MBD5: variants seen among roughly 807,000 people sequenced by gnomAD.
MBD5 encodes methyl-CpG binding domain protein 5.
In MBD5, 13 loss-of-function variants were observed where a neutral mutation model predicts 117.3. The ratio of observed to expected loss-of-function variants is 0.11; its 90% CI spans 0.07 to 0.18. MBD5 has a LOEUF of 0.18. Among genes scored for constraint, MBD5 ranks in the 10% least tolerant of loss-of-function variants. MBD5 has a pLI of 1.00. For synonymous variants in MBD5, 727 were observed against 766.4 expected, an observed-to-expected ratio of 0.95 and a Z score of 0.85; for missense variants, 1,879 against 2,093.8, an observed-to-expected ratio of 0.90 and a Z score of 2.00.
chr2:148,476,075 G>C (rs903451587), intron 8 of MBD5, among the ~76,000 whole-genome samples: 3 of 152,178 alleles, frequency 2.0e-5, no homozygotes, highest in Non-Finnish European at 2.9e-5. Context: ...GTTGGAGTTA[G>C]TCCAGGGAAG....
chr2:148,147,336 A>T (rs986231851), intron 1 of MBD5, among the ~76,000 whole-genome samples: 2 of 151,548 alleles, frequency 1.3e-5, no homozygotes, highest in Non-Finnish European at 2.9e-5. Context: ...TCTGCCTCCT[A>T]GATTCAAGCG....
chr2:148,098,761 C>A (rs569369788), intron 1 of MBD5, among the ~76,000 whole-genome samples: 1 of 152,066 alleles, frequency 6.6e-6, no homozygotes, highest in Middle Eastern at 3.4e-3. Context: ...AGGAAGAAGA[C>A]GAAGAGAGGC....
intron 3 of MBD5, among the ~76,000 whole-genome samples, chr2:148,235,935 A>G (rs1326144393): frequency 6.6e-6 from 1 of 152,016 alleles, no homozygotes; most frequent in African/African-American, 2.4e-5. Flanking sequence ...AATAGCTGGG[A>G]ATACAGGCAT....
At chr2:148,465,296 C>T (rs1200890493) in intron 7 of MBD5, among the ~76,000 whole-genome samples, 1 of 152,058 alleles carries the variant, frequency 6.6e-6, no homozygotes, top group African/African-American at 2.4e-5. Flanking sequence ...ATTTGATTTT[C>T]CCATTATTGA....
At chr2:148,046,543 A>G (rs538789968) in intron 1 of MBD5, among the ~76,000 whole-genome samples, 61 of 152,140 alleles carry the variant, frequency 4.0e-4, no homozygotes, top group Middle Eastern at 3.4e-3. Flanking sequence ...GTCTACCCCA[A>G]TTCCCCAAGT....
intron 9 of MBD5, 41 bp downstream of exon 9, chr2:148,484,176 T>G (rs1298725508): frequency 7.2e-7 from 1 of 1,388,136 alleles, no homozygotes; most frequent in African/African-American, 1.5e-5. Context: ...AAAAGAAACG[T>G]TTTTCTAATT....
intron 3 of MBD5, among the ~76,000 whole-genome samples, chr2:148,242,072 A>C (rs1700226457): frequency 6.6e-6 from 1 of 152,128 alleles, no homozygotes; most frequent in Non-Finnish European, 1.5e-5. Flanking sequence ...GTGTTACTCC[A>C]AATTTCTGAT....
At chr2:148,287,455 A>G (rs1701391490) in intron 3 of MBD5, among the ~76,000 whole-genome samples, 1 of 152,180 alleles carries the variant, frequency 6.6e-6, no homozygotes, top group Admixed American at 6.5e-5. Flanking sequence ...CGGATGTATC[A>G]GTCAGTTTTT....
chr2:148,367,650 A>G (rs1703740006), intron 4 of MBD5, among the ~76,000 whole-genome samples: 1 of 152,226 alleles, frequency 6.6e-6, no homozygotes, highest in African/African-American at 2.4e-5. Context: ...AAACAACCCC[A>G]TCAAAAAATG....
At chr2:148,393,792 G>A (rs952713051) in intron 4 of MBD5, among the ~76,000 whole-genome samples, 2 of 152,078 alleles carry the variant, frequency 1.3e-5, no homozygotes, top group African/African-American at 2.4e-5. Flanking sequence ...ATGAACTTCA[G>A]ATAGAACAGA....
At chr2:148,321,904 G>A (rs183480427) in intron 3 of MBD5, among the ~76,000 whole-genome samples, 12 of 152,136 alleles carry the variant, frequency 7.9e-5, no homozygotes, top group Non-Finnish European at 1.6e-4. Flanking sequence ...TTTTTAAAAT[G>A]CCATACTCTC....
chr2:148,286,398 C>T (rs529361358), intron 3 of MBD5, among the ~76,000 whole-genome samples: 3 of 152,278 alleles, frequency 2.0e-5, no homozygotes, highest in African/African-American at 4.8e-5. Flanking sequence ...TTTCGATCCC[C>T]AAGCTGACAA....
At chr2:148,036,845 TTAAA>T (rs1694208267) in intron 1 of MBD5, among the ~76,000 whole-genome samples, 2 of 152,216 alleles carry the variant, frequency 1.3e-5, no homozygotes, top group South Asian at 4.1e-4. Context: ...AAAGAACATT[TTAAA>T]TAGGTTTTTA....
At chr2:148,320,802 A>G (rs1702264043) in intron 3 of MBD5, among the ~76,000 whole-genome samples, 2 of 152,162 alleles carry the variant, frequency 1.3e-5, no homozygotes, top group Admixed American at 1.3e-4. Flanking sequence ...ATAGTTGTTC[A>G]TAATAGTTTG....
At chr2:148,127,962 A>T (rs1201058129) in intron 1 of MBD5, among the ~76,000 whole-genome samples, 2 of 152,044 alleles carry the variant, frequency 1.3e-5, no homozygotes, top group African/African-American at 4.8e-5. Context: ...TGTTGTTTTA[A>T]TTTGCATTTC....
chr2:148,393,679 T>C (rs1172379801), intron 4 of MBD5, among the ~76,000 whole-genome samples: 1 of 152,228 alleles, frequency 6.6e-6, no homozygotes, highest in Non-Finnish European at 1.5e-5. Flanking sequence ...CATCTCCTTG[T>C]CCTTGTCCAT....
intron 3 of MBD5, among the ~76,000 whole-genome samples, chr2:148,326,322 G>A (rs1458736613): frequency 2.6e-5 from 4 of 152,170 alleles, no homozygotes; most frequent in African/African-American, 7.2e-5. Context: ...GTTGATTTGG[G>A]GTGGAGAGTT....
intron 2 of MBD5, among the ~76,000 whole-genome samples, chr2:148,194,639 T>G (rs1212147396): frequency 1.9e-5 from 2 of 107,572 alleles, no homozygotes; most frequent in African/African-American, 3.0e-5. Context: ...AGGGATAGCA[T>G]TGGGAGTTAT....
At chr2:148,475,235 C>T in intron 8 of MBD5, among the ~76,000 whole-genome samples, 1 of 152,094 alleles carries the variant, frequency 6.6e-6, no homozygotes, top group East Asian at 1.9e-4. Context: ...TTGTCCTCTG[C>T]ACTTGTTTTT....
Sources: allele counts gnomAD v4.1 joint callset (sites outside exome capture counted in the v4.1 genomes callset), GRCh38; gene constraint gnomAD v4.1.1; transcripts MANE v1.5; gene names NCBI Gene and HGNC (gene_info 2026-07-23, HGNC 2026-07-21).